ANO6: variants seen among roughly 807,000 people sequenced by gnomAD.
ANO6 encodes anoctamin-6.
In ANO6, 106 loss-of-function variants were observed where a neutral mutation model predicts 117.5. That is an observed-to-expected ratio of 0.90 (90% CI 0.77 to 1.06). The LOEUF (loss-of-function observed/expected upper bound fraction) is 1.06. Ranked by LOEUF, ANO6 falls within the 50% of genes least tolerant of loss-of-function variation. ANO6 has a pLI of 0.00. For missense variants in ANO6, 955 were observed against 1,121.1 expected (o/e 0.85, Z 2.12); for synonymous variants, 367 against 385.1 (o/e 0.95, Z 0.55).
chr12:45,262,907 A>C (rs575129700), intron 1 of ANO6, among the ~76,000 whole-genome samples: 1 of 152,308 alleles, frequency 6.6e-6, no homozygotes, highest in African/African-American at 2.4e-5. Context: ...TGAACAAAAC[A>C]TGGCTTTTGT....
At chr12:45,273,668 C>A (rs1938459257) in intron 1 of ANO6, among the ~76,000 whole-genome samples, 1 of 152,198 alleles carries the variant, frequency 6.6e-6, no homozygotes, top group Non-Finnish European at 1.5e-5. Context: ...TCTGCTCCAA[C>A]AAATTGGGTT....
chr12:45,331,677 T>A (rs1460751548), intron 3 of ANO6, among the ~76,000 whole-genome samples: 2 of 152,048 alleles, frequency 1.3e-5, no homozygotes. Context: ...GGAATTGGAC[T>A]TTCTATTGTA....
intron 1 of ANO6, among the ~76,000 whole-genome samples, chr12:45,218,421 G>A (rs904559386): frequency 7.3e-6 from 1 of 137,180 alleles, no homozygotes; most frequent in Non-Finnish European, 1.5e-5. Flanking sequence ...TTGAGATAGG[G>A]TCTCGCTCTG....
intron 10 of ANO6, chr12:45,383,337 C>G (rs887454864): frequency 7.1e-5 from 11 of 154,596 alleles, no homozygotes; most frequent in Admixed American, 6.5e-4. Flanking sequence ...TCTTGAACTT[C>G]TCAAAGTCAT....
At chr12:45,276,238 A>G (rs1249479180) in intron 1 of ANO6, among the ~76,000 whole-genome samples, 2 of 152,092 alleles carry the variant, frequency 1.3e-5, no homozygotes, top group Non-Finnish European at 2.9e-5. Context: ...CTCCACTACT[A>G]TCATCTTAGG....
intron 7 of ANO6, among the ~76,000 whole-genome samples, chr12:45,352,989 T>A (rs1413412794): frequency 1.3e-5 from 2 of 152,216 alleles, no homozygotes; most frequent in African/African-American, 4.8e-5. Flanking sequence ...TTGAACATGT[T>A]CCTCTGTATT....
chr12:45,296,045 G>A (rs974319364), intron 1 of ANO6, among the ~76,000 whole-genome samples: 4 of 151,914 alleles, frequency 2.6e-5, no homozygotes, highest in Non-Finnish European at 4.4e-5. Context: ...ATTTTTAGTA[G>A]AGATGGGGTT....
At chr12:45,219,502 A>AG (rs1840958021) in intron 1 of ANO6, among the ~76,000 whole-genome samples, 1 of 130,304 alleles carries the variant, frequency 7.7e-6, no homozygotes, top group Non-Finnish European at 1.7e-5. Flanking sequence ...ATGCCTGGCC[A>AG]ATTTTTTTTT....
intron 1 of ANO6, among the ~76,000 whole-genome samples, chr12:45,282,606 TG>T (rs1472698804): frequency 1.3e-5 from 2 of 152,292 alleles, no homozygotes; most frequent in East Asian, 3.9e-4. Flanking sequence ...TGGTGACTGA[TG>T]GGGGCTGAGT....
intron 1 of ANO6, among the ~76,000 whole-genome samples, chr12:45,286,516 G>A (rs1009859297): frequency 7.9e-5 from 12 of 152,160 alleles, no homozygotes; most frequent in South Asian, 6.2e-4. Context: ...GAGCTAATGT[G>A]TTTTGAGTTC....
chr12:45,381,981 T>A (rs541575099), intron 10 of ANO6, among the ~76,000 whole-genome samples: 21 of 151,740 alleles, frequency 1.4e-4, no homozygotes, highest in African/African-American at 5.1e-4. Flanking sequence ...ATTTTAAAGA[T>A]GAAGAAGATG....
At chr12:45,254,572 AGTTT>A (rs1317714895) in intron 1 of ANO6, among the ~76,000 whole-genome samples, 4 of 152,226 alleles carry the variant, frequency 2.6e-5, no homozygotes, top group Non-Finnish European at 5.9e-5. Flanking sequence ...TCACATTTTA[AGTTT>A]GTTTGGAAAA....
intron 1 of ANO6, among the ~76,000 whole-genome samples, chr12:45,254,701 C>T (rs1227279722): frequency 1.3e-5 from 2 of 152,114 alleles, no homozygotes; most frequent in African/African-American, 2.4e-5. Context: ...CTTTTTCATT[C>T]GATGGATACT....
At chr12:45,241,977 CT>C (rs1408305126) in intron 1 of ANO6, among the ~76,000 whole-genome samples, 4 of 152,194 alleles carry the variant, frequency 2.6e-5, no homozygotes, top group Non-Finnish European at 4.4e-5. Flanking sequence ...TATGAGGTTT[CT>C]GTCTGCCCCT....
At chr12:45,399,197 TTTG>T (rs1016588632) in intron 12 of ANO6, among the ~76,000 whole-genome samples, 5 of 150,326 alleles carry the variant, frequency 3.3e-5, no homozygotes, top group African/African-American at 1.2e-4. Flanking sequence ...GTTTTTTTGT[TTTG>T]TTTTTTGTTT....
intron 8 of ANO6, among the ~76,000 whole-genome samples, chr12:45,363,147 A>T (rs533147585): frequency 1.3e-5 from 2 of 152,266 alleles, no homozygotes; most frequent in East Asian, 3.9e-4. Context: ...AATTTGCATT[A>T]TACTTACCAT....
In ANO6 at chr12:45,216,221, G is replaced by C; in HGVS notation, c.-101G>C. 1 of 1,359,450 alleles carries C rather than the reference G, an allele frequency of 7.4e-7. No homozygotes were observed. Among genetic ancestry groups the C allele is most frequent in the Admixed American group, 2.0e-5 (1 of 50,278 alleles). 84.2% of individuals were successfully genotyped at this position (1,359,450 alleles called of 1,614,324 possible). A position where few individuals can be genotyped will look rare whatever the true frequency, so the allele number is the denominator to read the frequency against. ...CGGCCCCTGAGCCCAAGCGACACAC[G>C]CCCCGCGGTCCCCGATCCGGCCCCT... On this transcript the variant is annotated 5_prime_UTR_variant, in exon 1 of 20. Coordinates refer to ENST00000320560, the MANE Select transcript of ANO6 (RefSeq NM_001025356.3).
At chr12:45,421,332 G>T in intron 18 of ANO6, 59 bp downstream of exon 18, 1 of 1,527,272 alleles carries the variant, frequency 6.5e-7, no homozygotes, top group South Asian at 1.2e-5. Context: ...TTTTTCTTGT[G>T]ACTTAATTCT....
chr12:45,394,274 G>C (rs2137597790), intron 12 of ANO6, among the ~76,000 whole-genome samples: 1 of 152,244 alleles, frequency 6.6e-6, no homozygotes, highest in Middle Eastern at 3.4e-3. Flanking sequence ...ATGGTAAAGG[G>C]ATCAATTCAA....
Sources: allele counts gnomAD v4.1 joint callset (sites outside exome capture counted in the v4.1 genomes callset), GRCh38; gene constraint gnomAD v4.1.1; transcripts MANE v1.5; gene names NCBI Gene and HGNC (gene_info 2026-07-23, HGNC 2026-07-21).